EXOC2: variants seen among roughly 807,000 people sequenced by gnomAD.
EXOC2 encodes SEC5-like 1.
A neutral mutation model predicts 131.8 loss-of-function variants in EXOC2; 70 were observed. The observed-to-expected ratio is 0.53, with a 90% CI of 0.44 to 0.65. The LOEUF is 0.65. Among genes scored for constraint, EXOC2 ranks in the 30% least tolerant of loss-of-function variants. EXOC2 has a pLI of 0.00. For synonymous variants in EXOC2, 411 were observed against 398.4 expected, an observed-to-expected ratio of 1.03 and a Z score of -0.38; for missense variants, 923 against 1,108.6, an observed-to-expected ratio of 0.83 and a Z score of 2.38.
intron 11 of EXOC2, among the ~76,000 whole-genome samples, chr6:590,015 T>G (rs895210598): frequency 6.6e-6 from 1 of 151,786 alleles, no homozygotes. Flanking sequence ...CTTGGGAGGC[T>G]GAGGCAGGAG....
At chr6:660,135 C>T (rs1763353919) in intron 1 of EXOC2, among the ~76,000 whole-genome samples, 2 of 151,912 alleles carry the variant, frequency 1.3e-5, no homozygotes, top group African/African-American at 4.8e-5. Flanking sequence ...CCATAATCCC[C>T]CTAGGTACAG....
intron 11 of EXOC2, among the ~76,000 whole-genome samples, chr6:585,507 C>A (rs1314869527): frequency 6.6e-6 from 1 of 152,236 alleles, no homozygotes; most frequent in African/African-American, 2.4e-5. Flanking sequence ...ACGGCAAACT[C>A]TGCTGCCAAA....
chr6:560,899 G>C (rs1257614026), intron 17 of EXOC2, among the ~76,000 whole-genome samples: 1 of 151,682 alleles, frequency 6.6e-6, no homozygotes, highest in Admixed American at 6.6e-5. Context: ...GTAGAGACAG[G>C]GTTTCACCAT....
rs184444988 is a variant in EXOC2 at position 568,531 on chromosome 6, G to A, written c.1444-3602C>T. Among the ~76,000 whole-genome samples the A allele has an allele frequency of 2.2e-4, 34 of 152,238 alleles. No individual in the cohort carries two copies. The South Asian group carries it at 2.9e-3, about 13-fold the overall frequency. The stretch of plus-strand genomic sequence containing the variant: ...CCAACCCCTTAGCATAGATCTCTTC[G>A]TGTATGTGTGTGTGTGAGTGCAGGG... On this transcript the variant is annotated intron_variant, in intron 13 of 27. Transcript: ENST00000230449.
intron 1 of EXOC2, among the ~76,000 whole-genome samples, chr6:688,671 C>G (rs1764776459): frequency 6.6e-6 from 1 of 152,204 alleles, no homozygotes; most frequent in African/African-American, 2.4e-5. Context: ...CTCCTCCAGA[C>G]AGCCCTACTT....
chr6:673,952 T>C (rs1763993294), intron 1 of EXOC2, among the ~76,000 whole-genome samples: 1 of 152,170 alleles, frequency 6.6e-6, no homozygotes, highest in Non-Finnish European at 1.5e-5. Flanking sequence ...AAATGCAGTA[T>C]CTACAAGGCA....
chr6:485,950 A>C lies in EXOC2; in HGVS notation c.*721T>G, dbSNP rs1433728061. ...TCACACTCCATCACAGATAACACAC[A>C]GGGCCTCAGGGACTGCAACACGTGC... On this transcript the variant is annotated 3_prime_UTR_variant, in exon 28 of 28. Coordinates refer to ENST00000230449, the MANE Select transcript of EXOC2 (RefSeq NM_018303.6). The C allele has an allele frequency of 6.6e-6, 1 of 152,250 alleles. No individual in the cohort carries two copies. Among genetic ancestry groups the C allele is most frequent in the East Asian group, 1.9e-4 (1 of 5,206 alleles). The allele number at this position is 152,250 out of a possible 1,614,324, so 9.4% of individuals were successfully genotyped here. A position where few individuals can be genotyped will look rare whatever the true frequency, so the allele number is the denominator to read the frequency against.
chr6:507,244 C>T (rs1764607198), intron 23 of EXOC2, among the ~76,000 whole-genome samples: 1 of 87,046 alleles, frequency 1.1e-5, no homozygotes, highest in Non-Finnish European at 2.2e-5. Flanking sequence ...ACAGCAGTGA[C>T]CCCCCCACAC....
At chr6:517,949 C>G (rs1374261195) in intron 23 of EXOC2, among the ~76,000 whole-genome samples, 1 of 152,142 alleles carries the variant, frequency 6.6e-6, no homozygotes, top group African/African-American at 2.4e-5. Context: ...GGCAAACAAC[C>G]ACTTCACTGA....
intron 2 of EXOC2, among the ~76,000 whole-genome samples, chr6:637,499 T>C (rs1027854704): frequency 2.0e-5 from 3 of 152,198 alleles, no homozygotes; most frequent in African/African-American, 4.8e-5. Flanking sequence ...TGAAAGACAA[T>C]ATAAGGCAAG....
chr6:615,053 G>T (rs1191260430), intron 6 of EXOC2, among the ~76,000 whole-genome samples: 1 of 152,016 alleles, frequency 6.6e-6, no homozygotes, highest in East Asian at 1.9e-4. Context: ...CCTATAACAT[G>T]AATTTTAAAT....
intron 22 of EXOC2, among the ~76,000 whole-genome samples, 166 bp from the exon 23 acceptor site, chr6:532,776 T>C (rs17810516): frequency 0.15 from 22,962 of 152,290 alleles, 1,916 homozygotes; most frequent in African/African-American, 0.22. Context: ...TCTTTTAGCA[T>C]AGCTATTTTG....
intron 23 of EXOC2, among the ~76,000 whole-genome samples, chr6:516,931 G>A (rs1175097208): frequency 3.9e-5 from 6 of 152,208 alleles, no homozygotes; most frequent in African/African-American, 1.2e-4. Context: ...GAGAGACCAC[G>A]GTAGAGGGAA....
intron 22 of EXOC2, among the ~76,000 whole-genome samples, 178 bp downstream of exon 22, chr6:548,997 C>G (rs1308548346): frequency 1.3e-5 from 2 of 152,100 alleles, no homozygotes; most frequent in African/African-American, 4.8e-5. Flanking sequence ...TCAAGGTGAA[C>G]CATGGGAAGG....
Position 689,903 on chromosome 6 carries a change from T to C in EXOC2, c.-44+3116A>G, listed in dbSNP as rs189931754. 1.2e-3 allele frequency among the ~76,000 whole-genome samples: 190 copies of C among 152,280 alleles called. 1 individual carries two copies. The highest frequency in any genetic ancestry group is 4.5e-3 in the African/African-American group (187 of 41,544). On this transcript the variant is annotated intron_variant, in intron 1 of 27. Coordinates refer to ENST00000230449, the MANE Select transcript of EXOC2 (RefSeq NM_018303.6). ...TTCAAGGCAGGAAGGATTTCAGAGA[T>C]AATCTAACTGCATGTATTCTCTGAA...
chr6:576,401 T>A (rs1758578913), intron 12 of EXOC2, among the ~76,000 whole-genome samples: 1 of 152,198 alleles, frequency 6.6e-6, no homozygotes, highest in Non-Finnish European at 1.5e-5. Flanking sequence ...AAAAAAGGTA[T>A]ACTGATACTA....
At chr6:497,615 C>A in intron 24 of EXOC2, 126 bp from the exon 25 acceptor site, 3 of 1,232,128 alleles carry the variant, frequency 2.4e-6, no homozygotes, top group Non-Finnish European at 3.3e-6. Flanking sequence ...TTTTAAAAGG[C>A]CAAAATTATA....
At position 489,054 on chromosome 6, in the gene EXOC2, C is replaced by A; in HGVS notation, c.2622-16G>T. The A allele has an allele frequency of 6.2e-7, 1 of 1,613,158 alleles. No homozygotes were observed. The highest frequency in any genetic ancestry group is 8.5e-7 in the Non-Finnish European group (1 of 1,179,436). On this transcript the variant is annotated splice_polypyrimidine_tract_variant and intron_variant, in intron 26 of 27. Transcript: ENST00000230449. ...AAAACTTGACCTGAAACACAAACAGCCACACTGAAGTTGAAGCCTTGCACA... is the reference window on the plus strand; with the variant it reads ...AAAACTTGACCTGAAACACAAACAGACACACTGAAGTTGAAGCCTTGCACA...
At chr6:673,841 A>G (rs1173755858) in intron 1 of EXOC2, among the ~76,000 whole-genome samples, 1 of 152,248 alleles carries the variant, frequency 6.6e-6, no homozygotes, top group African/African-American at 2.4e-5. Context: ...AGAGACATGA[A>G]GTGAGCACAT....
Sources: gnomAD v4.1 joint callset for allele counts (sites outside exome capture counted in the v4.1 genomes callset) on GRCh38, gnomAD v4.1.1 for gene constraint, MANE v1.5 for transcripts, NCBI Gene and HGNC (gene_info 2026-07-23, HGNC 2026-07-21) for gene names.